Variants in ROS1 observed in about 807,000 individuals in gnomAD.
ROS1 encodes the protein proto-oncogene tyrosine-protein kinase ROS.
In ROS1, 263 loss-of-function variants were observed where a neutral mutation model predicts 273.5. That is an observed-to-expected ratio of 0.96 (90% confidence interval 0.87 to 1.06). The LOEUF (loss-of-function observed/expected upper bound fraction) is 1.06. Among genes scored for constraint, ROS1 ranks in the 50% least tolerant of loss-of-function variants. The pLI is 0.00. For synonymous variants in ROS1, 1,008 were observed against 954.1 expected, an observed-to-expected ratio of 1.06 and a Z score of -1.04; for missense variants, 2,833 against 2,751.1, an observed-to-expected ratio of 1.03 and a Z score of -0.67.
chr6:117,321,228 G>C (rs1316862690), intron 36 of ROS1, 31 bp downstream of exon 36: 2 of 1,603,942 alleles, frequency 1.2e-6, no homozygotes, highest in Non-Finnish European at 1.7e-6. Flanking sequence ...CTTTGCCTAG[G>C]TGCTCCATAA....
In ROS1 at chr6:117,292,671, T is replaced by G. The variant is rs149793468; in HGVS notation, c.6716-3869A>C. ...ACTGAGTATGAACCCATATCTTGAC[T>G]GTGTCCTGGACTTCTCCGCTTAGAT... On this transcript the variant is annotated intron_variant, in intron 43 of 43. Transcript: ENST00000368507. Among the ~76,000 whole-genome samples, 242 of 152,346 alleles carry G rather than the reference T, an allele frequency of 1.6e-3. 1 individual carries two copies. The highest frequency in any genetic ancestry group is 5.5e-3 in the African/African-American group (230 of 41,584).
intron 1 of ROS1, among the ~76,000 whole-genome samples, chr6:117,424,781 G>A (rs575116751): frequency 6.6e-6 from 1 of 152,062 alleles, no homozygotes; most frequent in African/African-American, 2.4e-5. Flanking sequence ...ACTATATTTA[G>A]TACTTGCATT....
intron 18 of ROS1, among the ~76,000 whole-genome samples, chr6:117,374,771 A>C (rs1011980612): frequency 1.3e-5 from 2 of 152,224 alleles, no homozygotes; most frequent in African/African-American, 4.8e-5. Flanking sequence ...CACACAAATC[A>C]ACAAGAAAAA....
In ROS1 at chr6:117,425,693, A is replaced by C; in HGVS notation, c.-37T>G. On this transcript the variant is annotated 5_prime_UTR_variant, in exon 1 of 44. The change creates a new upstream start codon in the 5' untranslated region. Coordinates refer to ENST00000368507, the MANE Select transcript of ROS1 (RefSeq NM_001378902.1). Reference sequence around the variant, plus strand: ...TGGCAGATTTTTAGATGGCCGGTCTAATTTTCTCCATTTTGCTATATGAAT... The same window carrying C: ...TGGCAGATTTTTAGATGGCCGGTCTCATTTTCTCCATTTTGCTATATGAAT... 6.2e-7 allele frequency: 1 copy of C among 1,605,828 alleles called. No individual in the cohort carries two copies. The highest frequency in any genetic ancestry group is 8.5e-7 in the Non-Finnish European group (1 of 1,176,124).
intron 43 of ROS1, among the ~76,000 whole-genome samples, chr6:117,295,670 A>C (rs1345483108): frequency 2.0e-5 from 3 of 152,236 alleles, no homozygotes; most frequent in Non-Finnish European, 4.4e-5. Context: ...TGATCAAAAA[A>C]TGGGCAAAAG....
chr6:117,300,682 A>T (rs1053581906), intron 43 of ROS1, among the ~76,000 whole-genome samples: 10 of 152,168 alleles, frequency 6.6e-5, no homozygotes, highest in African/African-American at 2.2e-4. Context: ...GTGGGGGGAG[A>T]AGAGAAGGAG....
intron 5 of ROS1, among the ~76,000 whole-genome samples, chr6:117,405,754 C>G (rs1582869833): frequency 6.6e-6 from 1 of 152,036 alleles, no homozygotes; most frequent in African/African-American, 2.4e-5. Context: ...TGAGCTCCAT[C>G]CTATTTTCAG....
At chr6:117,343,951 C>T (rs748180867) in intron 28 of ROS1, 109 bp downstream of exon 28, 98 of 847,492 alleles carry the variant, frequency 1.2e-4, no homozygotes, top group South Asian at 3.1e-4. Context: ...AAAAAAGTTG[C>T]GTACTAGTCC....
At chr6:117,319,507 ATACT>A (rs1271555752) in intron 37 of ROS1, among the ~76,000 whole-genome samples, 3 of 152,144 alleles carry the variant, frequency 2.0e-5, no homozygotes, top group Non-Finnish European at 2.9e-5. Context: ...CAAGCCTAAA[ATACT>A]TACTATCTGC....
intron 7 of ROS1, among the ~76,000 whole-genome samples, chr6:117,398,099 C>T (rs1773643593): frequency 6.6e-6 from 1 of 152,148 alleles, no homozygotes; most frequent in African/African-American, 2.4e-5. Flanking sequence ...TCCATGTAGT[C>T]AGTCACCATG....
chr6:117,314,538 G>A (rs2128553251), intron 39 of ROS1, among the ~76,000 whole-genome samples: 1 of 152,228 alleles, frequency 6.6e-6, no homozygotes, highest in Admixed American at 6.5e-5. Context: ...CACAGATGAA[G>A]GCTTTTGTCT....
intron 17 of ROS1, among the ~76,000 whole-genome samples, chr6:117,379,581 C>T (rs1016073315): frequency 1.3e-4 from 20 of 152,186 alleles, no homozygotes; most frequent in Admixed American, 1.1e-3. Context: ...GCAACATGAG[C>T]CAGTGAATTT....
At chr6:117,292,962 T>C (rs1212462435) in intron 43 of ROS1, among the ~76,000 whole-genome samples, 1 of 152,210 alleles carries the variant, frequency 6.6e-6, no homozygotes, top group Non-Finnish European at 1.5e-5. Context: ...ATTTTATCAC[T>C]TGCCACATTC....
At chr6:117,320,720 G>A (rs147152740) in intron 36 of ROS1, among the ~76,000 whole-genome samples, 2 of 152,206 alleles carry the variant, frequency 1.3e-5, no homozygotes, top group Admixed American at 6.5e-5. Context: ...CTGAAAGCAA[G>A]GCCTATGATC....
chr6:117,409,966 C>T (rs1321800), intron 4 of ROS1, among the ~76,000 whole-genome samples: 81,187 of 151,610 alleles, frequency 0.54, 22,383 homozygotes, highest in South Asian at 0.68. Flanking sequence ...ACTTTTCCCT[C>T]CATTTTTAGA....
chr6:117,310,956 C>T (rs1389383926), intron 40 of ROS1, 64 bp downstream of exon 40: 3 of 932,812 alleles, frequency 3.2e-6, no homozygotes, highest in African/African-American at 3.4e-5. Context: ...TGTGCTTTAC[C>T]TGCACTACAG....
chr6:117,337,736 A>G (rs1777584329), intron 31 of ROS1, among the ~76,000 whole-genome samples: 1 of 152,122 alleles, frequency 6.6e-6, no homozygotes, highest in Non-Finnish European at 1.5e-5. Context: ...AATCCCAGGG[A>G]TTTGTTAATT....
At chr6:117,317,594 C>T (rs937241302) in intron 38 of ROS1, among the ~76,000 whole-genome samples, 1 of 152,104 alleles carries the variant, frequency 6.6e-6, no homozygotes, top group Non-Finnish European at 1.5e-5. Flanking sequence ...GGTTTTGGGT[C>T]ATTACAGGTA....
chr6:117,317,182 T>C lies in ROS1; in HGVS notation c.6078A>G (p.Gly2026=), dbSNP rs770185082. ...QYIILELMEG[G]DLLTYLRKAR... is the part of the protein sequence containing the mutation. ...CTTTACGCAAATAAGTAAGAAGGTC[T>C]CCTCCCTCCATCAGTTCCAGGATAA... The change falls in exon 39 of 44, where the codon GGA becomes GGG. Residue 2026 remains glycine, a synonymous_variant. Transcript: ENST00000368507. 8.1e-6 allele frequency: 13 copies of C among 1,613,230 alleles called. No homozygotes were observed. The highest frequency in any genetic ancestry group is 2.7e-5 in the African/African-American group (2 of 74,840).
Sources: gnomAD v4.1 joint callset for allele counts (sites outside exome capture counted in the v4.1 genomes callset) on GRCh38, gnomAD v4.1.1 for gene constraint, MANE v1.5 for transcripts, NCBI Gene and HGNC (gene_info 2026-07-23, HGNC 2026-07-21) for gene names.